Variants in CUBN observed in about 807,000 individuals in gnomAD.
The protein encoded by CUBN is 460 kDa receptor.
Under a neutral mutation model 405.3 loss-of-function variants are expected in CUBN, and 282 were observed. The observed-to-expected ratio is 0.70, with a 90% CI of 0.63 to 0.77. The LOEUF (loss-of-function observed/expected upper bound fraction) is 0.77, where lower values mean the gene tolerates loss of function less well. CUBN is among the 30% of genes least tolerant of loss of function. The pLI, the probability that CUBN is intolerant of heterozygous loss-of-function variation, is 0.00. For missense variants in CUBN, 4,514 were observed against 4,475.2 expected (o/e 1.01, Z -0.25); for synonymous variants, 1,684 against 1,617.0 (o/e 1.04, Z -0.99).
At chr10:16,868,887 C>T (rs937690509) in intron 59 of CUBN, among the ~76,000 whole-genome samples, 6 of 152,178 alleles carry the variant, frequency 3.9e-5, no homozygotes, top group Admixed American at 3.9e-4. Context: ...AAACATTTCT[C>T]CCTTAAATCT....
intron 27 of CUBN, among the ~76,000 whole-genome samples, chr10:17,029,402 A>C (rs1279501628): frequency 6.6e-6 from 1 of 152,206 alleles, no homozygotes; most frequent in South Asian, 2.1e-4. Flanking sequence ...CTTAAAACCA[A>C]AATTTCTTCT....
chr10:16,952,171 G>A, intron 33 of CUBN, 105 bp downstream of exon 33: 2 of 789,406 alleles, frequency 2.5e-6, no homozygotes, highest in South Asian at 1.4e-5. Context: ...TGAAGAGGAA[G>A]GCCATCGATT....
At chr10:16,987,767 T>G (rs1345118988) in intron 29 of CUBN, among the ~76,000 whole-genome samples, 1 of 152,204 alleles carries the variant, frequency 6.6e-6, no homozygotes, top group Non-Finnish European at 1.5e-5. Flanking sequence ...TCCACCACCA[T>G]TAGCCCAATT....
At chr10:17,107,417 C>A (rs945879777) in intron 10 of CUBN, among the ~76,000 whole-genome samples, 2 of 151,446 alleles carry the variant, frequency 1.3e-5, no homozygotes, top group South Asian at 4.2e-4. Context: ...AAAAACCCTG[C>A]TGAATAATTT....
chr10:16,878,598 T>C (rs1840581358), intron 56 of CUBN, among the ~76,000 whole-genome samples: 1 of 152,186 alleles, frequency 6.6e-6, no homozygotes, highest in African/African-American at 2.4e-5. Flanking sequence ...GATCCCTAGA[T>C]TGGTGTTGCC....
rs531199192 is a variant in CUBN, at chr10:17,038,032, G to A, written c.4017+3001C>T. Among the ~76,000 whole-genome samples, 7 of 151,062 alleles carry A rather than the reference G, an allele frequency of 4.6e-5. No individual in the cohort carries two copies. In the South Asian group the frequency reaches 1.3e-3, roughly 27 times the overall value. ...CAGCTCACTGCAAACTCCGCCTCCC[G>A]GGTTCTAGTGATTCTCCTGCCTCAG... On this transcript the variant is annotated intron_variant, in intron 27 of 66. Transcript: ENST00000377833.
At chr10:17,104,287 A>G (rs970426969) in intron 12 of CUBN, 132 bp downstream of exon 12, 16 of 728,578 alleles carry the variant, frequency 2.2e-5, no homozygotes, top group African/African-American at 3.5e-5. Context: ...TTCTGCAAGG[A>G]AAGACTTAGT....
intron 44 of CUBN, 60 bp downstream of exon 44, chr10:16,919,903 C>T: frequency 6.5e-7 from 1 of 1,541,574 alleles, no homozygotes; most frequent in Non-Finnish European, 8.9e-7. Flanking sequence ...TGTTTTGAGA[C>T]ATGACGGTTA....
At position 16,952,282 on chromosome 10, in the gene CUBN, G is replaced by C. The variant is rs760623403; in HGVS notation, c.4963C>G (p.Pro1655Ala). The C allele has an allele frequency of 4.3e-6, 7 of 1,610,482 alleles. No homozygotes were observed. In the African/African-American group the frequency reaches 8.0e-5, roughly 18 times the overall value. ...QNCSWIIQAQ[P>A]PLNHITLSFT... is the part of the protein sequence containing the mutation. Reference sequence around the variant, plus strand: ...TTTCATTTTTGTTACTTACATGGAGGTTGCGCTTGAATGATCCAGCTGCAG... The same window carrying C: ...TTTCATTTTTGTTACTTACATGGAGCTTGCGCTTGAATGATCCAGCTGCAG... The change falls in exon 33 of 67, where the codon CCT becomes GCT. Residue 1655 changes from proline (P) to alanine (A), a missense_variant. Physicochemically the swap from Pro to Ala is conservative, Grantham distance 27 (BLOSUM62 -1). Transcript: ENST00000377833.
rs1318751312 is a variant in CUBN, at chr10:17,105,490, G to A, written c.1197C>T (p.Cys399=). 1 of 1,609,460 alleles carries A rather than the reference G, an allele frequency of 6.2e-7. No homozygotes were observed. Among genetic ancestry groups the A allele is most frequent in the East Asian group, 2.2e-5 (1 of 44,836 alleles). The change falls in exon 11 of 67, where the codon TGC becomes TGT. Residue 399 remains cysteine (C), a synonymous_variant. Transcript: ENST00000377833. The part of the protein sequence containing the change: ...PNGCVQLSNI[C]LSHPCLNGQC... Reference sequence around the variant, plus strand: ...GTCCATTTAGACAGGGGTGACTTAGGCAAATATTACTGAGCTGCACACATC... The same window carrying A: ...GTCCATTTAGACAGGGGTGACTTAGACAAATATTACTGAGCTGCACACATC...
At chr10:16,997,898 C>G (rs973498359) in intron 28 of CUBN, among the ~76,000 whole-genome samples, 1 of 152,100 alleles carries the variant, frequency 6.6e-6, no homozygotes, top group Non-Finnish European at 1.5e-5. Context: ...GGTGGAGCTC[C>G]TCAAATTCAT....
At chr10:17,035,079 TA>T (rs11302576) in intron 27 of CUBN, among the ~76,000 whole-genome samples, 9,000 of 58,512 alleles carry the variant, frequency 0.15, 928 homozygotes, top group African/African-American at 0.34. Flanking sequence ...AACCTATGGA[TA>T]AAAAAAAAAA....
chr10:16,892,118 T>C (rs535911064), intron 54 of CUBN, among the ~76,000 whole-genome samples: 14 of 152,334 alleles, frequency 9.2e-5, no homozygotes, highest in African/African-American at 3.1e-4. Context: ...GCAAGAGATG[T>C]GAAATAGCAC....
In CUBN at chr10:16,828,845, G is replaced by C. The variant is rs1202272147; in HGVS notation, c.10724C>G (p.Pro3575Arg). 6.2e-7 allele frequency: 1 copy of C among 1,614,098 alleles called. No individual in the cohort carries two copies. The highest frequency in any genetic ancestry group is 2.2e-5 in the East Asian group (1 of 44,872). ...TCCAGAGGATGGAGAGCTGGCGTTG[G>C]GCCCATCATAGAGTGTGAGATAGTT... Reference protein sequence around the residue: ...VQNYLTLYDGPNASSPSSGPY... With the variant: ...VQNYLTLYDGRNASSPSSGPY... The change falls in exon 66 of 67, where the codon CCC becomes CGC. Residue 3575 changes from proline (P) to arginine (R), a missense_variant. By Grantham distance (103) the Pro-to-Arg change is moderately radical. Around this residue, in one of 5 missense-constraint regions of CUBN, gnomAD observed 1,186 missense variants for 1,186.9 expected, o/e 1.00. Transcript: ENST00000377833.
intron 31 of CUBN, among the ~76,000 whole-genome samples, chr10:16,960,047 A>G (rs1489033192): frequency 6.6e-5 from 10 of 152,258 alleles, no homozygotes. Flanking sequence ...AAAAGTGGCC[A>G]CTGTCCCCCA....
chr10:17,066,343 T>C (rs1389845246), intron 21 of CUBN, among the ~76,000 whole-genome samples: 2 of 152,110 alleles, frequency 1.3e-5, no homozygotes, highest in Non-Finnish European at 2.9e-5. Context: ...GAGAAATACC[T>C]GTAGGAAGAA....
At chr10:17,093,441 T>G (rs1177403658) in intron 14 of CUBN, among the ~76,000 whole-genome samples, 1 of 151,890 alleles carries the variant, frequency 6.6e-6, no homozygotes, top group Non-Finnish European at 1.5e-5. Flanking sequence ...GCTACAGGAG[T>G]AAGATTCATA....
In CUBN at chr10:16,828,850, A is replaced by G. The variant is rs1838876759; in HGVS notation, c.10719T>C (p.Asp3573=). 6 of 1,614,224 alleles carry G rather than the reference A, an allele frequency of 3.7e-6. No individual in the cohort carries two copies. The East Asian group carries it at 1.3e-4, about 36-fold the overall frequency. The change falls in exon 66 of 67, where the codon GAT becomes GAC. Residue 3573 remains aspartate (D), a synonymous_variant. Transcript: ENST00000377833. The part of the protein sequence containing the change: ...DCVQNYLTLY[D]GPNASSPSSG... ...AGGATGGAGAGCTGGCGTTGGGCCC[A>G]TCATAGAGTGTGAGATAGTTCTGGA...
intron 66 of CUBN, among the ~76,000 whole-genome samples, chr10:16,825,871 T>C (rs1187270084): frequency 6.6e-6 from 1 of 151,966 alleles, no homozygotes. Flanking sequence ...AACACAGGCT[T>C]ATTTCCAAGA....
Sources: allele counts gnomAD v4.1 joint callset (sites outside exome capture counted in the v4.1 genomes callset), GRCh38; gene constraint gnomAD v4.1.1; regional missense constraint gnomAD v4.1.1; transcripts MANE v1.5; gene names NCBI Gene and HGNC (gene_info 2026-07-23, HGNC 2026-07-21).